Variants in HMCES observed in about 807,000 individuals in gnomAD.
HMCES encodes 5-hydroxymethylcytosine binding, ES cell specific.
A neutral mutation model predicts 35.1 loss-of-function variants in HMCES; 27 were observed. The ratio of observed to expected loss-of-function variants is 0.77; its 90% CI spans 0.57 to 1.06. HMCES has a LOEUF of 1.06. Ranked by LOEUF, HMCES falls within the 50% of genes least tolerant of loss-of-function variation. HMCES has a pLI of 0.00. For missense variants in HMCES, 391 were observed against 430.4 expected, an observed-to-expected ratio of 0.91 and a Z score of 0.81; for synonymous variants, 130 against 154.7, an observed-to-expected ratio of 0.84 and a Z score of 1.18.
At chr3:129,292,653 C>T (rs536022383) in intron 4 of HMCES, among the ~76,000 whole-genome samples, 81 of 151,676 alleles carry the variant, frequency 5.3e-4, no homozygotes, top group Non-Finnish European at 7.8e-4. Flanking sequence ...CCACCAGGCC[C>T]GGCTAATTTT....
At position 129,301,933 on chromosome 3, in the gene HMCES, T is replaced by G; in HGVS notation, c.636-17T>G. ...CATGCTACCTCTCCCAACCATTGTC[T>G]TAACTTCCCTGGCCAGGATGCCTGC... is the stretch of plus-strand genomic sequence containing the variant. On this transcript the variant is annotated splice_polypyrimidine_tract_variant and intron_variant, in intron 5 of 6. Coordinates refer to ENST00000383463, the MANE Select transcript of HMCES (RefSeq NM_020187.3). 6.2e-7 allele frequency: 1 copy of G among 1,602,336 alleles called. No homozygotes were observed. The highest frequency in any genetic ancestry group is 8.5e-7 in the Non-Finnish European group (1 of 1,173,436).
intron 4 of HMCES, 139 bp downstream of exon 4, chr3:129,290,943 C>G (rs1052862235): frequency 1.3e-6 from 1 of 768,228 alleles, no homozygotes; most frequent in Non-Finnish European, 2.0e-6. Context: ...TGGCTCACGC[C>G]TGTGATCCCA....
intron 2 of HMCES, among the ~76,000 whole-genome samples, chr3:129,286,352 G>T (rs962547664): frequency 6.6e-6 from 1 of 152,170 alleles, no homozygotes; most frequent in Non-Finnish European, 1.5e-5. Flanking sequence ...CTGTGAACCA[G>T]AAAGTGGGCC....
At chr3:129,298,557 T>TGGATCCAAAA (rs1219455558) in intron 5 of HMCES, 22 bp downstream of exon 5, 3 of 1,605,458 alleles carry the variant, frequency 1.9e-6, no homozygotes, top group East Asian at 2.2e-5. Flanking sequence ...TTCTTAGCCC[T>TGGATCCAAAA]GGATCCAAAA....
At chr3:129,285,566 C>T (rs1362583263) in intron 2 of HMCES, among the ~76,000 whole-genome samples, 2 of 152,170 alleles carry the variant, frequency 1.3e-5, no homozygotes, top group East Asian at 3.9e-4. Flanking sequence ...ATTCTCCTGC[C>T]TCAGCCTTCT....
In HMCES at chr3:129,305,986, C is replaced by T. The variant is rs1227578686; in HGVS notation, c.*1161C>T. The T allele has an allele frequency of 6.6e-6, 1 of 152,308 alleles. No homozygotes were observed. The highest frequency in any genetic ancestry group is 1.5e-5 in the Non-Finnish European group (1 of 68,096). The allele number at this position is 152,308 out of a possible 1,614,324, so 9.4% of individuals were successfully genotyped here. On this transcript the variant is annotated 3_prime_UTR_variant, in exon 7 of 7. Transcript: ENST00000383463. ...TTCTCTAAATTCCTCTTTTGAGTGC[C>T]CTCCCTTCCGGTTGAGAGGCGGGGG... is the stretch of plus-strand genomic sequence containing the variant.
intron 6 of HMCES, among the ~76,000 whole-genome samples, chr3:129,303,290 A>G (rs767673305): frequency 4.6e-5 from 7 of 152,238 alleles, no homozygotes; most frequent in African/African-American, 1.7e-4. Flanking sequence ...TGTTCCAAGA[A>G]TAGACATTTT....
At chr3:129,280,518 A>C (rs1195309364) in intron 2 of HMCES, among the ~76,000 whole-genome samples, 2 of 152,228 alleles carry the variant, frequency 1.3e-5, no homozygotes, top group East Asian at 3.8e-4. Flanking sequence ...AAAAAAATAA[A>C]AAATTTAAGA....
intron 5 of HMCES, 130 bp downstream of exon 5, chr3:129,298,665 A>C: frequency 2.8e-6 from 2 of 720,298 alleles, no homozygotes; most frequent in East Asian, 2.7e-5. Flanking sequence ...TTTGACTCTA[A>C]CATGACATAC....
chr3:129,287,278 AGT>A (rs1225092719), intron 2 of HMCES, among the ~76,000 whole-genome samples: 2 of 151,588 alleles, frequency 1.3e-5, no homozygotes, highest in Non-Finnish European at 2.9e-5. Flanking sequence ...GTTGGAGTGC[AGT>A]GGCTCAGTCA....
rs1464489052 is a variant in HMCES, at chr3:129,305,646, A to G, written c.*821A>G. Reference sequence around the variant, plus strand: ...GGAGGCATTCACAAAAGCTGTCCCAAGCAGCTGGAAGAAAACAGCTTCCGA... The same window carrying G: ...GGAGGCATTCACAAAAGCTGTCCCAGGCAGCTGGAAGAAAACAGCTTCCGA... On this transcript the variant is annotated 3_prime_UTR_variant, in exon 7 of 7. Coordinates refer to ENST00000383463, the MANE Select transcript of HMCES (RefSeq NM_020187.3). 1.3e-5 allele frequency: 2 copies of G among 152,312 alleles called. No homozygotes were observed. Among genetic ancestry groups the G allele is most frequent in the East Asian group, 3.9e-4 (2 of 5,176 alleles). The allele number at this position is 152,312 out of a possible 1,614,324, so 9.4% of individuals were successfully genotyped here.
chr3:129,294,574 T>C (rs1478350694), intron 4 of HMCES, among the ~76,000 whole-genome samples: 1 of 152,262 alleles, frequency 6.6e-6, no homozygotes, highest in Non-Finnish European at 1.5e-5. Context: ...TCTTTTGGGC[T>C]ACTGTTATGC....
At chr3:129,290,970 A>G (rs891492624) in intron 4 of HMCES, among the ~76,000 whole-genome samples, 166 bp downstream of exon 4, 14 of 152,120 alleles carry the variant, frequency 9.2e-5, no homozygotes, top group Admixed American at 8.5e-4. Context: ...TGGGAGCCCA[A>G]GACGGGAAGA....
chr3:129,292,567 A>G (rs1234274873), intron 4 of HMCES, among the ~76,000 whole-genome samples: 1 of 145,428 alleles, frequency 6.9e-6, no homozygotes, highest in Non-Finnish European at 1.5e-5. Context: ...ATCTCGGCTC[A>G]CTGCAGCCTC....
chr3:129,295,016 G>A (rs2071074862), intron 4 of HMCES, among the ~76,000 whole-genome samples: 1 of 151,842 alleles, frequency 6.6e-6, no homozygotes, highest in African/African-American at 2.4e-5. Flanking sequence ...AAAATTAGCC[G>A]GGCGTGGTGG....
At chr3:129,299,831 A>T (rs72981152) in intron 5 of HMCES, among the ~76,000 whole-genome samples, 1 of 151,510 alleles carries the variant, frequency 6.6e-6, no homozygotes, top group South Asian at 2.1e-4. Context: ...GGGTTTCGCC[A>T]TGTTACCCAG....
Position 129,302,017 on chromosome 3 carries a change from C to G in HMCES, c.703C>G (p.Gln235Glu). ...KWLDFGEVST[Q>E]EALKLIHPTE... ...GCTTGACTTTGGTGAAGTCTCAACTCAGGAAGCTCTGAAATTAATCCACCC... is the reference window on the plus strand; with the variant it reads ...GCTTGACTTTGGTGAAGTCTCAACTGAGGAAGCTCTGAAATTAATCCACCC... The change falls in exon 6 of 7, where the codon CAG becomes GAG. Residue 235 changes from glutamine (Q) to glutamate (E), a missense_variant. Coordinates refer to ENST00000383463, the MANE Select transcript of HMCES (RefSeq NM_020187.3). 6.2e-7 allele frequency: 1 copy of G among 1,614,190 alleles called. No individual in the cohort carries two copies. The highest frequency in any genetic ancestry group is 8.5e-7 in the Non-Finnish European group (1 of 1,180,010).
Position 129,288,936 on chromosome 3 carries a change from A to T in HMCES, c.266A>T (p.Lys89Met), listed in dbSNP as rs778078010. 48 of 1,603,386 alleles carry T rather than the reference A, an allele frequency of 3.0e-5. No homozygotes were observed. Among genetic ancestry groups the T allele is most frequent in the Non-Finnish European group, 4.0e-5 (47 of 1,171,626 alleles). The change falls in exon 3 of 7, where the codon AAG becomes ATG. Residue 89 changes from lysine (K) to methionine (M), a missense_variant. Coordinates refer to ENST00000383463, the MANE Select transcript of HMCES (RefSeq NM_020187.3). ...TGGTTCAAAGAAAGTGATCCTTCCA[A>T]GCTGCAGTTCAATACTACCAACTGT... The part of the protein sequence containing the change: ...PSWFKESDPS[K>M]LQFNTTNCRS...
At chr3:129,281,043 G>A (rs1189062297) in intron 2 of HMCES, among the ~76,000 whole-genome samples, 2 of 152,086 alleles carry the variant, frequency 1.3e-5, no homozygotes, top group African/African-American at 4.8e-5. Context: ...CCAACATGGT[G>A]AAACCCTATC....
Sources: allele counts gnomAD v4.1 joint callset (sites outside exome capture counted in the v4.1 genomes callset), GRCh38; gene constraint gnomAD v4.1.1; transcripts MANE v1.5; gene names NCBI Gene and HGNC (gene_info 2026-07-23, HGNC 2026-07-21).